Variants in MAF observed in about 807,000 individuals in gnomAD.
MAF encodes the protein transcription factor Maf.
In MAF, 10 loss-of-function variants were observed where a neutral mutation model predicts 22.0. The ratio of observed to expected loss-of-function variants is 0.45; its 90% CI spans 0.28 to 0.77. The LOEUF (loss-of-function observed/expected upper bound fraction) is 0.77. Among genes scored for constraint, MAF ranks in the 30% least tolerant of loss-of-function variants. The pLI is 0.12. For synonymous variants in MAF, 337 were observed against 255.8 expected (o/e 1.32, Z -3.03); for missense variants, 544 against 548.4 (o/e 0.99, Z 0.08).
At chr16:79,533,743 C>T in the MAF span, among the ~76,000 whole-genome samples, 2 of 152,144 alleles carry the variant, frequency 1.3e-5, no homozygotes, top group Admixed American at 1.3e-4. Flanking sequence ...TCCGCCACCT[C>T]CCAGTGACCT....
the MAF span, among the ~76,000 whole-genome samples, chr16:79,461,071 G>C: frequency 7.9e-5 from 12 of 152,244 alleles, no homozygotes; most frequent in African/African-American, 2.2e-4. Flanking sequence ...TGAACTTTTG[G>C]TTTGTTGTCT....
At chr16:79,211,417 G>A in the MAF span, among the ~76,000 whole-genome samples, 13 of 152,140 alleles carry the variant, frequency 8.5e-5, no homozygotes, top group Non-Finnish European at 1.3e-4. Context: ...TTATGAACTC[G>A]TTTTTCCAGG....
At chr16:79,239,924 G>A in the MAF span, among the ~76,000 whole-genome samples, 1 of 152,026 alleles carries the variant, frequency 6.6e-6, no homozygotes, top group Non-Finnish European at 1.5e-5. Flanking sequence ...ATGGATAGTG[G>A]CAGCACAACA....
At chr16:79,457,636 C>T in the MAF span, among the ~76,000 whole-genome samples, 5 of 152,134 alleles carry the variant, frequency 3.3e-5, no homozygotes, top group Non-Finnish European at 5.9e-5. Flanking sequence ...GTATGTACTT[C>T]ACCCAGAAGT....
the MAF span, among the ~76,000 whole-genome samples, chr16:79,453,229 G>C: frequency 2.6e-5 from 4 of 152,092 alleles, no homozygotes; most frequent in Admixed American, 2.6e-4. Flanking sequence ...CTCTACTCTA[G>C]CAATAATGGT....
At chr16:79,448,611 G>C in the MAF span, among the ~76,000 whole-genome samples, 8 of 152,086 alleles carry the variant, frequency 5.3e-5, no homozygotes, top group Middle Eastern at 3.4e-3. Context: ...ATTTTTAGTA[G>C]AGACAGGGTT....
At chr16:79,581,243 G>C (rs773741713), downstream of MAF, among the ~76,000 whole-genome samples, 21 of 152,170 alleles carry the variant, frequency 1.4e-4, no homozygotes, top group Non-Finnish European at 2.4e-4. Flanking sequence ...CCCAGTAAGA[G>C]ACCCTCATGT....
chr16:79,233,026 G>C, the MAF span, among the ~76,000 whole-genome samples: 7 of 151,670 alleles, frequency 4.6e-5, no homozygotes, highest in Non-Finnish European at 8.8e-5. Flanking sequence ...ATTTTTAGTA[G>C]AGACTGGGTG....
At chr16:79,340,090 C>G in the MAF span, among the ~76,000 whole-genome samples, 6 of 152,130 alleles carry the variant, frequency 3.9e-5, no homozygotes, top group African/African-American at 4.8e-5. Context: ...AACCAAATTA[C>G]TACGGGGAAC....
chr16:79,212,442 A>AGAT, the MAF span: 10 of 279,360 alleles, frequency 3.6e-5, no homozygotes, highest in African/African-American at 1.7e-4. Context: ...AATTCTTTAG[A>AGAT]GATTATAACA....
At chr16:79,270,201 C>G in the MAF span, among the ~76,000 whole-genome samples, 2 of 152,032 alleles carry the variant, frequency 1.3e-5, no homozygotes, top group Non-Finnish European at 2.9e-5. Context: ...CTGCATCTAG[C>G]TCCCACAGAA....
At chr16:79,301,017 G>C in the MAF span, among the ~76,000 whole-genome samples, 1 of 151,460 alleles carries the variant, frequency 6.6e-6, no homozygotes, top group Non-Finnish European at 1.5e-5. Flanking sequence ...GAAAGGGAGG[G>C]GACACTCAGG....
chr16:79,408,807 G>A, the MAF span, among the ~76,000 whole-genome samples: 1 of 152,026 alleles, frequency 6.6e-6, no homozygotes, highest in Non-Finnish European at 1.5e-5. Flanking sequence ...AAAGAATAAG[G>A]GGAATCCCTG....
At chr16:79,495,327 G>C in the MAF span, among the ~76,000 whole-genome samples, 2 of 152,086 alleles carry the variant, frequency 1.3e-5, no homozygotes, top group Admixed American at 1.3e-4. Flanking sequence ...ATGGGACATA[G>C]TGTCTTTCAC....
chr16:79,499,406 C>A, the MAF span, among the ~76,000 whole-genome samples: 15 of 152,328 alleles, frequency 9.8e-5, no homozygotes, highest in East Asian at 2.9e-3. Context: ...GGGAGAGGCA[C>A]TGCAAAAGCC....
chr16:79,224,701 T>A, the MAF span, among the ~76,000 whole-genome samples: 5 of 152,290 alleles, frequency 3.3e-5, no homozygotes, highest in East Asian at 1.9e-4. Context: ...TCACAAGCAT[T>A]TCTATACACC....
At chr16:79,467,471 A>G in the MAF span, among the ~76,000 whole-genome samples, 12 of 152,162 alleles carry the variant, frequency 7.9e-5, no homozygotes, top group Non-Finnish European at 4.4e-5. Context: ...CAGTGATCTT[A>G]TGAATTAGGA....
the MAF span, among the ~76,000 whole-genome samples, chr16:79,252,514 G>A: frequency 6.6e-6 from 1 of 151,854 alleles, no homozygotes; most frequent in Non-Finnish European, 1.5e-5. Context: ...TTTCGAGATA[G>A]AGTCTCACTC....
chr16:79,239,340 G>A, the MAF span, among the ~76,000 whole-genome samples: 22 of 152,070 alleles, frequency 1.4e-4, no homozygotes, highest in African/African-American at 5.3e-4. Flanking sequence ...GAGTTTCCTG[G>A]GCCGTGGGAC....
Sources: gnomAD v4.1 joint callset for allele counts (sites outside exome capture counted in the v4.1 genomes callset) on GRCh38, gnomAD v4.1.1 for gene constraint, MANE v1.5 for transcripts, NCBI Gene and HGNC (gene_info 2026-07-23, HGNC 2026-07-21) for gene names.